RBPJ: variants seen among roughly 807,000 people sequenced by gnomAD.
The protein encoded by RBPJ is recombining binding protein suppressor of hairless.
A neutral mutation model predicts 67.8 loss-of-function variants in RBPJ; 9 were observed. That is an observed-to-expected ratio of 0.13 (90% CI 0.08 to 0.23). The LOEUF is 0.23. Among genes scored for constraint, RBPJ ranks in the 10% least tolerant of loss-of-function variants. The pLI is 1.00. For synonymous variants in RBPJ, 198 were observed against 203.3 expected (o/e 0.97, Z 0.22); for missense variants, 305 against 595.6 (o/e 0.51, Z 5.08).
intron 1 of RBPJ, among the ~76,000 whole-genome samples, chr4:26,232,505 G>A (rs975179728): frequency 2.6e-5 from 4 of 152,088 alleles, no homozygotes; most frequent in African/African-American, 4.8e-5. Flanking sequence ...GACATGAGCC[G>A]CTACACCCAG....
intron 1 of RBPJ, among the ~76,000 whole-genome samples, chr4:26,275,065 C>T (rs535636001): frequency 6.6e-6 from 1 of 152,268 alleles, no homozygotes; most frequent in East Asian, 1.9e-4. Flanking sequence ...GAGATGGCCA[C>T]ATTGTCAACT....
At chr4:26,289,616 G>A (rs1721601180) in intron 1 of RBPJ, among the ~76,000 whole-genome samples, 1 of 150,468 alleles carries the variant, frequency 6.6e-6, no homozygotes, top group Non-Finnish European at 1.5e-5. Flanking sequence ...GTGGAGTTGT[G>A]TAGAGTTAAT....
At chr4:26,283,234 T>C (rs1721340495) in intron 1 of RBPJ, among the ~76,000 whole-genome samples, 1 of 149,478 alleles carries the variant, frequency 6.7e-6, no homozygotes, top group Admixed American at 6.7e-5. Context: ...CGGCCTCTTA[T>C]TTTTAAATTA....
At position 26,431,184 on chromosome 4, in the gene RBPJ, T is replaced by TAAAAAAAAAAA. The variant is rs897964346; in HGVS notation, c.*194_*204dup. 1.3e-3 allele frequency: 54 copies of TAAAAAAAAAAA among 40,628 alleles called. No individual in the cohort carries two copies. Among genetic ancestry groups the TAAAAAAAAAAA allele is most frequent in the Non-Finnish European group, 1.8e-3 (38 of 20,642 alleles). The allele number at this position is 40,628 out of a possible 1,614,324, so 2.5% of individuals were successfully genotyped here. A position where few individuals can be genotyped will look rare whatever the true frequency, so the allele number is the denominator to read the frequency against. ...CTGATTTGAAATGCAGAAGCCACAGTAAAAAAAAAAAAAAAAAAAAAAAAA... is the reference window on the plus strand; with the variant it reads ...CTGATTTGAAATGCAGAAGCCACAGTAAAAAAAAAAAAAAAAAAAAAAAAAAAAAAAAAAAA... On this transcript the variant is annotated 3_prime_UTR_variant, in exon 11 of 11. Coordinates refer to ENST00000355476, the MANE Select transcript of RBPJ (RefSeq NM_015874.6).
At chr4:26,190,520 C>G (rs948082032) in intron 1 of RBPJ, among the ~76,000 whole-genome samples, 1 of 152,100 alleles carries the variant, frequency 6.6e-6, no homozygotes, top group East Asian at 1.9e-4. Context: ...TCTGCCTTCC[C>G]TTTATACAGT....
At chr4:26,204,191 T>C (rs1428439068) in intron 1 of RBPJ, among the ~76,000 whole-genome samples, 1 of 152,208 alleles carries the variant, frequency 6.6e-6, no homozygotes, top group Non-Finnish European at 1.5e-5. Flanking sequence ...CAAGTGATCC[T>C]TCCGCCTTGG....
the RBPJ span, among the ~76,000 whole-genome samples, chr4:26,132,306 C>A: frequency 4.9e-4 from 75 of 152,340 alleles, 1 homozygote; most frequent in Middle Eastern, 0.024. Flanking sequence ...TTGGGCCCCA[C>A]TTTAAGAAAC....
chr4:26,210,752 C>T (rs10693095), intron 1 of RBPJ, among the ~76,000 whole-genome samples: 4,833 of 46,870 alleles, frequency 0.1, 714 homozygotes, highest in Middle Eastern at 0.16. Context: ...TCCTTCTTTC[C>T]TTCTTTCTTT....
chr4:26,269,213 T>G (rs1437886608), intron 1 of RBPJ, among the ~76,000 whole-genome samples: 1 of 150,494 alleles, frequency 6.6e-6, no homozygotes, highest in African/African-American at 2.4e-5. Flanking sequence ...TTTATTTTAT[T>G]TATTTATTTA....
intron 3 of RBPJ, among the ~76,000 whole-genome samples, chr4:26,408,138 G>T (rs543146233): frequency 6.6e-6 from 1 of 152,018 alleles, no homozygotes; most frequent in South Asian, 2.1e-4. Context: ...GCCTCCCAAA[G>T]GATTACAGGC....
intron 1 of RBPJ, among the ~76,000 whole-genome samples, chr4:26,255,600 A>G (rs370728808): frequency 1.7e-4 from 25 of 147,084 alleles, no homozygotes; most frequent in Middle Eastern, 3.8e-3. Context: ...CGGGAGATCG[A>G]GACCATCCTG....
intron 1 of RBPJ, among the ~76,000 whole-genome samples, chr4:26,271,326 T>C (rs1720909641): frequency 1.3e-5 from 2 of 152,162 alleles, no homozygotes; most frequent in South Asian, 4.1e-4. Flanking sequence ...CACCCATAGA[T>C]AAGGAGGGGA....
At chr4:26,285,984 G>T (rs569591704) in intron 1 of RBPJ, among the ~76,000 whole-genome samples, 3 of 140,336 alleles carry the variant, frequency 2.1e-5, no homozygotes, top group Non-Finnish European at 3.2e-5. Flanking sequence ...GCTTAGTGGC[G>T]TATGCCTGTA....
chr4:26,179,195 G>A (rs1356496129), intron 1 of RBPJ, among the ~76,000 whole-genome samples: 2 of 151,666 alleles, frequency 1.3e-5, no homozygotes, highest in Non-Finnish European at 2.9e-5. Flanking sequence ...CTCTCCTCCA[G>A]TGTTAGATGT....
chr4:26,207,834 A>G (rs921610824), intron 1 of RBPJ, among the ~76,000 whole-genome samples: 1 of 152,230 alleles, frequency 6.6e-6, no homozygotes, highest in African/African-American at 2.4e-5. Flanking sequence ...GGAAACCACA[A>G]CAACACACCA....
At chr4:26,420,500 C>G (rs765898606) in intron 4 of RBPJ, 51 bp from the exon 5 acceptor site, 2 of 1,379,836 alleles carry the variant, frequency 1.4e-6, no homozygotes, top group African/African-American at 2.9e-5. Flanking sequence ...TTAGGTACTA[C>G]ATAAACAAAC....
intron 1 of RBPJ, among the ~76,000 whole-genome samples, chr4:26,306,682 C>G (rs1381654303): frequency 6.6e-6 from 1 of 151,826 alleles, no homozygotes; most frequent in African/African-American, 2.4e-5. Context: ...ATCTCCTAAC[C>G]TCCTGATCCA....
chr4:26,239,380 C>T (rs1277338097), intron 1 of RBPJ, among the ~76,000 whole-genome samples: 9 of 152,174 alleles, frequency 5.9e-5, no homozygotes, highest in Non-Finnish European at 1.0e-4. Flanking sequence ...TGAAGAGAAA[C>T]AGTGACATAA....
chr4:26,401,655 G>C (rs1005030711), intron 2 of RBPJ, among the ~76,000 whole-genome samples: 4 of 152,122 alleles, frequency 2.6e-5, no homozygotes, highest in African/African-American at 9.7e-5. Context: ...GTCTATTTGG[G>C]AAGACAAGAA....
Sources: gnomAD v4.1 joint callset for allele counts (sites outside exome capture counted in the v4.1 genomes callset) on GRCh38, gnomAD v4.1.1 for gene constraint, MANE v1.5 for transcripts, NCBI Gene and HGNC (gene_info 2026-07-23, HGNC 2026-07-21) for gene names.